The following SPAG16 variants were observed in gnomAD, a reference collection of about 807,000 sequenced individuals.
The protein encoded by SPAG16 is sperm associated antigen 16, also known as sperm-associated antigen 16 protein.
In SPAG16, 86 loss-of-function variants were observed where a neutral mutation model predicts 80.4. The ratio of observed to expected loss-of-function variants is 1.07; its 90% CI spans 0.90 to 1.28. SPAG16 has a LOEUF of 1.28. SPAG16 is among the 50% of genes most tolerant of loss of function. The pLI is 0.00. For synonymous variants in SPAG16, 294 were observed against 265.9 expected, an observed-to-expected ratio of 1.11 and a Z score of -1.03; for missense variants, 870 against 765.3, an observed-to-expected ratio of 1.14 and a Z score of -1.61.
chr2:214,064,090 C>T (rs1254911816), intron 13 of SPAG16, among the ~76,000 whole-genome samples: 1 of 152,032 alleles, frequency 6.6e-6, no homozygotes, highest in Non-Finnish European at 1.5e-5. Context: ...ACAAAATAGA[C>T]ATATTGAATA....
intron 10 of SPAG16, among the ~76,000 whole-genome samples, chr2:213,505,264 A>G (rs933841602): frequency 3.3e-5 from 5 of 152,180 alleles, no homozygotes; most frequent in African/African-American, 1.2e-4. Context: ...TGTCAAAACT[A>G]CTAGCTGCAG....
At chr2:214,406,192 G>A (rs1243726714) in intron 15 of SPAG16, among the ~76,000 whole-genome samples, 1 of 152,126 alleles carries the variant, frequency 6.6e-6, no homozygotes, top group African/African-American at 2.4e-5. Context: ...GTATTGAAAG[G>A]TTTAAGGTAA....
intron 9 of SPAG16, among the ~76,000 whole-genome samples, chr2:213,422,812 C>T (rs2069679651): frequency 6.6e-6 from 1 of 152,186 alleles, no homozygotes; most frequent in South Asian, 2.1e-4. Context: ...TACCATTTTT[C>T]CCATCTTTGT....
At chr2:213,915,165 A>G (rs887576006) in intron 11 of SPAG16, among the ~76,000 whole-genome samples, 1 of 151,766 alleles carries the variant, frequency 6.6e-6, no homozygotes, top group Non-Finnish European at 1.5e-5. Flanking sequence ...TTTCTGGGAT[A>G]CATGTGCAGA....
chr2:213,695,648 G>A (rs1477292434), intron 10 of SPAG16, among the ~76,000 whole-genome samples: 1 of 152,214 alleles, frequency 6.6e-6, no homozygotes, highest in East Asian at 1.9e-4. Flanking sequence ...CTTCCCTGAG[G>A]AAGAGACATT....
At chr2:213,285,747 T>C (rs1477587881) in intron 1 of SPAG16, 1 of 455,424 alleles carries the variant, frequency 2.2e-6, no homozygotes, top group Non-Finnish European at 3.7e-6. Flanking sequence ...GAAATTTGAA[T>C]CGCTTGAAAT....
chr2:213,815,029 A>G (rs1039484398), intron 10 of SPAG16, among the ~76,000 whole-genome samples: 1 of 152,076 alleles, frequency 6.6e-6, no homozygotes, highest in Non-Finnish European at 1.5e-5. Context: ...CAAAAAATAT[A>G]AAAAACCTGA....
intron 11 of SPAG16, among the ~76,000 whole-genome samples, chr2:213,926,847 G>T (rs1033322902): frequency 1.9e-4 from 29 of 152,068 alleles, no homozygotes; most frequent in Non-Finnish European, 8.8e-5. Context: ...CTCATACTTG[G>T]TTGAATTTTA....
intron 15 of SPAG16, among the ~76,000 whole-genome samples, chr2:214,409,789 T>A (rs1702197227): frequency 6.6e-6 from 1 of 152,200 alleles, no homozygotes; most frequent in Admixed American, 6.5e-5. Context: ...ATAATTTATT[T>A]GAAAAAGAAA....
chr2:213,604,698 C>G (rs1048868851), intron 10 of SPAG16, among the ~76,000 whole-genome samples: 8 of 151,870 alleles, frequency 5.3e-5, no homozygotes, highest in Non-Finnish European at 1.2e-4. Flanking sequence ...TTTTACCTTT[C>G]CCTTCTACAG....
intron 9 of SPAG16, among the ~76,000 whole-genome samples, chr2:213,399,484 G>A (rs537783949): frequency 6.6e-6 from 1 of 152,070 alleles, no homozygotes; most frequent in South Asian, 2.1e-4. Flanking sequence ...ATTTTAAAAT[G>A]TAAACATTCT....
At chr2:213,876,318 A>AAAAG (rs1024097466) in intron 11 of SPAG16, among the ~76,000 whole-genome samples, 9 of 136,138 alleles carry the variant, frequency 6.6e-5, no homozygotes, top group African/African-American at 2.3e-4. Flanking sequence ...AAAAAAAAAA[A>AAAAG]AAGAAGAAGA....
intron 12 of SPAG16, among the ~76,000 whole-genome samples, chr2:213,947,203 T>C (rs2079518164): frequency 6.6e-6 from 1 of 152,192 alleles, no homozygotes; most frequent in African/African-American, 2.4e-5. Flanking sequence ...TTCTCTAGGA[T>C]ATGTGTCCAT....
rs532019474 is a variant in SPAG16 at position 214,354,528 on chromosome 2, T to C, written c.1721-55612T>C. Among the ~76,000 whole-genome samples, 169 of 152,176 alleles carry C rather than the reference T, an allele frequency of 1.1e-3. 2 individuals are homozygous for C. In the East Asian group the frequency reaches 0.029, roughly 26 times the overall value. On this transcript the variant is annotated intron_variant, in intron 15 of 15. Coordinates refer to ENST00000331683, the MANE Select transcript of SPAG16 (RefSeq NM_024532.5). ...AACTTTAAAGTAGTTTTTTCCAATT[T>C]TGTGAAGAAAGTCATTGGTAGCTTG...
chr2:213,659,972 TTTTC>T (rs775899087), intron 10 of SPAG16, among the ~76,000 whole-genome samples: 2 of 152,154 alleles, frequency 1.3e-5, no homozygotes, highest in Non-Finnish European at 2.9e-5. Flanking sequence ...ATTCTTTCTC[TTTTC>T]TTTCTTTTTT....
chr2:213,678,102 G>C (rs1574772343), intron 10 of SPAG16, among the ~76,000 whole-genome samples: 1 of 152,044 alleles, frequency 6.6e-6, no homozygotes, highest in African/African-American at 2.4e-5. Flanking sequence ...CAGAATCTCT[G>C]GGACACATTC....
intron 9 of SPAG16, among the ~76,000 whole-genome samples, chr2:213,424,353 C>CA (rs2069777168): frequency 6.6e-6 from 1 of 152,008 alleles, no homozygotes; most frequent in Admixed American, 6.6e-5. Context: ...GTCTTTTTAC[C>CA]ATTATAGAGA....
At chr2:213,377,697 G>T (rs2066947531) in intron 9 of SPAG16, among the ~76,000 whole-genome samples, 1 of 151,684 alleles carries the variant, frequency 6.6e-6, no homozygotes, top group South Asian at 2.1e-4. Context: ...TCCCTAGTTT[G>T]CTAACTGGCA....
chr2:214,117,009 A>C (rs2053966068), intron 14 of SPAG16, among the ~76,000 whole-genome samples: 1 of 152,170 alleles, frequency 6.6e-6, no homozygotes, highest in South Asian at 2.1e-4. Context: ...AAAGAGAGAA[A>C]ATAAGGCACC....
Sources: gnomAD v4.1 joint callset for allele counts (sites outside exome capture counted in the v4.1 genomes callset) on GRCh38, gnomAD v4.1.1 for gene constraint, MANE v1.5 for transcripts, NCBI Gene and HGNC (gene_info 2026-07-23, HGNC 2026-07-21) for gene names.